Variants in TBKBP1 observed in about 807,000 individuals in gnomAD.
The protein encoded by TBKBP1 is TANK-binding kinase 1-binding protein 1.
A neutral mutation model predicts 69.9 loss-of-function variants in TBKBP1; 47 were observed. The ratio of observed to expected loss-of-function variants is 0.67; its 90% CI spans 0.53 to 0.86. The LOEUF (loss-of-function observed/expected upper bound fraction) is 0.86, where lower values mean the gene tolerates loss of function less well. TBKBP1 is among the 40% of genes least tolerant of loss of function. The pLI is 0.00. For missense variants in TBKBP1, 831 were observed against 858.6 expected, an observed-to-expected ratio of 0.97 and a Z score of 0.40; for synonymous variants, 418 against 390.3, an observed-to-expected ratio of 1.07 and a Z score of -0.84.
intron 4 of TBKBP1, 112 bp downstream of exon 4, chr17:47,697,305 G>C: frequency 1.1e-6 from 1 of 885,536 alleles, no homozygotes; most frequent in Non-Finnish European, 1.8e-6. Flanking sequence ...GCAGTCCCAT[G>C]TGTCACACAT....
intron 2 of TBKBP1, 75 bp downstream of exon 2, chr17:47,696,412 A>T: frequency 6.6e-7 from 1 of 1,505,694 alleles, no homozygotes; most frequent in South Asian, 1.2e-5. Flanking sequence ...GGTAGATACC[A>T]GGGATCCAAA....
chr17:47,701,781 AT>A (rs1463283258), intron 7 of TBKBP1, among the ~76,000 whole-genome samples: 1 of 152,184 alleles, frequency 6.6e-6, no homozygotes, highest in Non-Finnish European at 1.5e-5. Context: ...CACGCTGCCC[AT>A]TCTGGCAAGA....
intron 3 of TBKBP1, 110 bp from the exon 4 acceptor site, chr17:47,696,979 T>G: frequency 6.7e-7 from 1 of 1,503,266 alleles, no homozygotes; most frequent in African/African-American, 1.4e-5. Context: ...CAGCTCCTCC[T>G]GCCCCTCCAT....
intron 7 of TBKBP1, among the ~76,000 whole-genome samples, chr17:47,699,969 T>G (rs2031427380): frequency 6.6e-6 from 1 of 151,158 alleles, no homozygotes; most frequent in Non-Finnish European, 1.5e-5. Context: ...ATTACAGGCA[T>G]GCACCACCAT....
chr17:47,705,187 C>T (rs981041695), intron 7 of TBKBP1, among the ~76,000 whole-genome samples: 2 of 152,170 alleles, frequency 1.3e-5, no homozygotes, highest in East Asian at 1.9e-4. Context: ...CCCTCCTTCC[C>T]GCTTCTTTGG....
Position 47,711,334 on chromosome 17 carries a change from C to T in TBKBP1, c.*708C>T, listed in dbSNP as rs1043965678. The T allele has an allele frequency of 7.9e-5, 12 of 152,744 alleles. No homozygotes were observed. The highest frequency in any genetic ancestry group is 1.3e-4 in the Non-Finnish European group (9 of 68,148). The allele number at this position is 152,744 out of a possible 1,614,324, so 9.5% of individuals were successfully genotyped here. ...GGCTTCTCTGAGGGCCAGGGCCCTACAGCATGCCCCTACGGCCAGGGGACT... is the reference window on the plus strand; with the variant it reads ...GGCTTCTCTGAGGGCCAGGGCCCTATAGCATGCCCCTACGGCCAGGGGACT... On this transcript the variant is annotated 3_prime_UTR_variant, in exon 10 of 10. Transcript: ENST00000578982.
Position 47,708,445 on chromosome 17 carries a change from T to G in TBKBP1, c.924T>G (p.Leu308=), listed in dbSNP as rs1346167838. The change falls in exon 8 of 10, where the codon CTT becomes CTG. Residue 308 remains leucine (L), a synonymous_variant. Coordinates refer to ENST00000578982, the MANE Select transcript of TBKBP1 (RefSeq NM_001394755.1). The surrounding 1 kb of genome is among the most constrained non-coding windows in gnomAD (Gnocchi z 4.4). ...YTELTEELGR[L]RELSSLQGRI... Reference sequence around the variant, plus strand: ...AGCTGACGGAGGAGCTGGGCCGGCTTCGGGAGTTGAGTTCCCTACAGGGGA... The same window carrying G: ...AGCTGACGGAGGAGCTGGGCCGGCTGCGGGAGTTGAGTTCCCTACAGGGGA... The G allele has an allele frequency of 1.9e-6, 3 of 1,613,892 alleles. No homozygotes were observed.
At position 47,708,434 on chromosome 17, in the gene TBKBP1, C is replaced by T; in HGVS notation, c.913C>T (p.Leu305=). Residue 305 remains leucine (L), a synonymous_variant, in exon 8 of 10, where the codon CTG becomes TTG. Transcript: ENST00000578982. The surrounding 1 kb of genome is among the most constrained non-coding windows in gnomAD (Gnocchi z 4.4). ...ALAYTELTEE[L]GRLRELSSLQ... ...GGCCTACACCGAGCTGACGGAGGAG[C>T]TGGGCCGGCTTCGGGAGTTGAGTTC... The T allele has an allele frequency of 6.2e-7, 1 of 1,613,916 alleles. No individual in the cohort carries two copies. Among genetic ancestry groups the T allele is most frequent in the Non-Finnish European group, 8.5e-7 (1 of 1,179,840 alleles).
In TBKBP1 at chr17:47,709,086, C is replaced by T. The variant is rs4794057; in HGVS notation, c.1353C>T (p.His451=). 0.52 allele frequency: 701,469 copies of T among 1,356,006 alleles called. 182,772 individuals carry two copies. The highest frequency in any genetic ancestry group is 0.64 in the African/African-American group (41,100 of 64,368). The allele number at this position is 1,356,006 out of a possible 1,614,324, so 84.0% of individuals were successfully genotyped here. The stretch of plus-strand genomic sequence containing the variant: ...CCTACGCCAAGCCGCCCAGCCACCA[C>T]GTGAAGGCCGGCTTCCAGGGCCGCC... The part of the protein sequence containing the change: ...ERAYAKPPSH[H]VKAGFQGRRS... The change falls in exon 9 of 10, where the codon CAC becomes CAT. Residue 451 remains histidine (H), a synonymous_variant. Transcript: ENST00000578982.
At chr17:47,700,219 G>A (rs1422368778) in intron 7 of TBKBP1, among the ~76,000 whole-genome samples, 1 of 148,054 alleles carries the variant, frequency 6.8e-6, no homozygotes, top group African/African-American at 2.5e-5. Flanking sequence ...TCGATCTCCT[G>A]ACCTTGTGAT....
At chr17:47,707,394 A>C (rs1470298892) in intron 7 of TBKBP1, among the ~76,000 whole-genome samples, 1 of 152,214 alleles carries the variant, frequency 6.6e-6, no homozygotes, top group Non-Finnish European at 1.5e-5. Context: ...GTGGGTGCCC[A>C]AGATGCCTGA....
chr17:47,698,819 C>T (rs764549040), intron 5 of TBKBP1, 44 bp downstream of exon 5: 1 of 1,477,414 alleles, frequency 6.8e-7, no homozygotes, highest in Non-Finnish European at 9.0e-7. Context: ...TCCCCAACCC[C>T]CATTTCAACA....
At chr17:47,710,180 G>A (rs751278580) in intron 9 of TBKBP1, among the ~76,000 whole-genome samples, 1 of 152,192 alleles carries the variant, frequency 6.6e-6, no homozygotes, top group African/African-American at 2.4e-5. Flanking sequence ...GTTTAGGATC[G>A]TACATTGCTT....
At chr17:47,701,226 G>A (rs2031488395) in intron 7 of TBKBP1, among the ~76,000 whole-genome samples, 1 of 152,156 alleles carries the variant, frequency 6.6e-6, no homozygotes, top group Admixed American at 6.5e-5. Flanking sequence ...TGAGAACCCA[G>A]TTTGTGGGAC....
intron 7 of TBKBP1, among the ~76,000 whole-genome samples, chr17:47,706,867 A>ACACACACACACACG (rs879677637): frequency 2.0e-5 from 3 of 148,800 alleles, no homozygotes; most frequent in Non-Finnish European, 4.4e-5. Flanking sequence ...ACACACACAC[A>ACACACACACACACG]CACGCACACA....
intron 7 of TBKBP1, among the ~76,000 whole-genome samples, chr17:47,701,681 C>G (rs1407681091): frequency 2.6e-5 from 4 of 152,138 alleles, no homozygotes; most frequent in Admixed American, 1.3e-4. Flanking sequence ...TGGGTAGAAG[C>G]AGAGAAGGGG....
At position 47,708,914 on chromosome 17, in the gene TBKBP1, C is replaced by T. The variant is rs1221819051; in HGVS notation, c.1181C>T (p.Pro394Leu). The T allele has an allele frequency of 1.5e-6, 2 of 1,367,036 alleles. No homozygotes were observed. The highest frequency in any genetic ancestry group is 2.8e-4 in the Middle Eastern group (1 of 3,610). 84.7% of individuals were successfully genotyped at this position (1,367,036 alleles called of 1,614,324 possible). ...CCGGCCTCACCCTCCTGCCCGTCGC[C>T]CGTCCCGCAGCGCCGCTCGCCGGTG... The part of the protein sequence containing the change: ...RSPASPSCPS[P>L]VPQRRSPVPP... The change falls in exon 9 of 10, where the codon CCC becomes CTC. Residue 394 changes from proline to leucine, a missense_variant. By Grantham distance (98) the Pro-to-Leu change is moderately conservative. Coordinates refer to ENST00000578982, the MANE Select transcript of TBKBP1 (RefSeq NM_001394755.1). The surrounding 1 kb of genome is among the most constrained non-coding windows in gnomAD (Gnocchi z 4.4).
rs1393674364 is a variant in TBKBP1 at position 47,709,066 on chromosome 17, G to A, written c.1333G>A (p.Ala445Thr). The change falls in exon 9 of 10, where the codon GCC becomes ACC. Residue 445 changes from alanine to threonine, a missense_variant. By Grantham distance (58) the Ala-to-Thr change is moderately conservative. Transcript: ENST00000578982. ...GERTLAERAY[A>T]KPPSHHVKAG... ...GAGGACGCTGGCCGAGCGCGCCTAC[G>A]CCAAGCCGCCCAGCCACCACGTGAA... 8 of 1,345,384 alleles carry A rather than the reference G, an allele frequency of 5.9e-6. No homozygotes were observed. Among genetic ancestry groups the A allele is most frequent in the Non-Finnish European group, 7.6e-6 (8 of 1,051,604 alleles). 83.3% of individuals were successfully genotyped at this position (1,345,384 alleles called of 1,614,324 possible).
At chr17:47,706,791 T>A (rs1243300216) in intron 7 of TBKBP1, among the ~76,000 whole-genome samples, 1 of 149,754 alleles carries the variant, frequency 6.7e-6, no homozygotes, top group Non-Finnish European at 1.5e-5. Flanking sequence ...AGCCCTAACC[T>A]CACGACTTCC....
Sources: gnomAD v4.1 joint callset for allele counts (sites outside exome capture counted in the v4.1 genomes callset) on GRCh38, gnomAD v4.1.1 for gene constraint, Gnocchi (gnomAD v3.1) non-coding constraint, MANE v1.5 for transcripts, NCBI Gene and HGNC (gene_info 2026-07-23, HGNC 2026-07-21) for gene names.